Variants in HERC1 observed in about 807,000 individuals in gnomAD.
The protein encoded by HERC1 is probable E3 ubiquitin-protein ligase HERC1.
A neutral mutation model predicts 554.3 loss-of-function variants in HERC1; 160 were observed. That is an observed-to-expected ratio of 0.29 (90% CI 0.25 to 0.33). The LOEUF (loss-of-function observed/expected upper bound fraction) is 0.33. Ranked by LOEUF, HERC1 falls within the 10% of genes least tolerant of loss-of-function variation. The probability of loss-of-function intolerance (pLI) is 1.00; values close to 1 mark genes in which losing one functional copy is unlikely to be tolerated. For missense variants in HERC1, 4,919 were observed against 5,918.5 expected (o/e 0.83, Z 5.54); for synonymous variants, 2,175 against 2,131.7 (o/e 1.02, Z -0.56).
In HERC1 at chr15:63,665,680, A is replaced by G. The variant is rs187961447; in HGVS notation, c.8555+239T>C. The stretch of plus-strand genomic sequence containing the variant: ...TAAACTTGTTTCCTTTTTCAGTACA[A>G]TTTTACACAAAAATTATGAAATTTC... On this transcript the variant is annotated intron_variant, in intron 42 of 77. Transcript: ENST00000443617. Among the ~76,000 whole-genome samples, 317 of 152,318 alleles carry G rather than the reference A, an allele frequency of 2.1e-3. 5 individuals are homozygous for G. The highest frequency in any genetic ancestry group is 0.014 in the Middle Eastern group (4 of 294).
At chr15:63,731,952 C>T (rs1332014212) in intron 14 of HERC1, among the ~76,000 whole-genome samples, 2 of 152,098 alleles carry the variant, frequency 1.3e-5, no homozygotes, top group African/African-American at 4.8e-5. Context: ...AGGATGATTT[C>T]AGATAAGAAT....
intron 1 of HERC1, among the ~76,000 whole-genome samples, chr15:63,823,709 AT>A (rs1236852976): frequency 6.6e-6 from 1 of 152,184 alleles, no homozygotes; most frequent in African/African-American, 2.4e-5. Context: ...GTCTTTGGGC[AT>A]TTGGGTTTAT....
At chr15:63,637,768 GGAAGAGTTGAT>G in intron 63 of HERC1, 125 bp from the exon 64 acceptor site, 3 of 616,214 alleles carry the variant, frequency 4.9e-6, no homozygotes, top group Non-Finnish European at 7.9e-6. Context: ...TTACTGAAAG[GGAAGAGTTGAT>G]ATAACTATGC....
chr15:63,685,325 T>C (rs62014213), intron 34 of HERC1, among the ~76,000 whole-genome samples: 22,851 of 152,320 alleles, frequency 0.15, 2,218 homozygotes, highest in Middle Eastern at 0.21. Flanking sequence ...TGGGGGCAGG[T>C]CACATTGGTA....
intron 37 of HERC1, 187 bp from the exon 38 acceptor site, chr15:63,675,304 G>T: frequency 2.1e-6 from 1 of 487,750 alleles, no homozygotes; most frequent in Non-Finnish European, 3.6e-6. Flanking sequence ...GGGGAGATGT[G>T]ATACTAAATG....
At chr15:63,617,636 G>C (rs529725155) in intron 74 of HERC1, among the ~76,000 whole-genome samples, 1 of 152,162 alleles carries the variant, frequency 6.6e-6, no homozygotes, top group Non-Finnish European at 1.5e-5. Context: ...CAGTGTAAAA[G>C]TGTTCCTATT....
At chr15:63,649,137 A>G (rs922551375) in intron 54 of HERC1, among the ~76,000 whole-genome samples, 3 of 152,084 alleles carry the variant, frequency 2.0e-5, no homozygotes, top group East Asian at 1.9e-4. Flanking sequence ...GGCGGATCAC[A>G]AGGTGAGGAG....
chr15:63,632,878 T>C, intron 67 of HERC1, 67 bp from the exon 68 acceptor site: 3 of 1,094,554 alleles, frequency 2.7e-6, no homozygotes, highest in Non-Finnish European at 1.3e-6. Flanking sequence ...ATTTGCCTAA[T>C]GGCATGTATC....
chr15:63,822,144 G>A (rs1596327372), intron 1 of HERC1, among the ~76,000 whole-genome samples: 1 of 152,306 alleles, frequency 6.6e-6, no homozygotes, highest in African/African-American at 2.4e-5. Context: ...TAAACCCTGG[G>A]AGTCTGCCTG....
chr15:63,651,726 C>T (rs2069690714), intron 52 of HERC1, among the ~76,000 whole-genome samples: 1 of 152,118 alleles, frequency 6.6e-6, no homozygotes, highest in Non-Finnish European at 1.5e-5. Context: ...AAAGAAATAG[C>T]TACAGCTGGC....
rs1468244690 is a variant in HERC1 at position 63,669,115 on chromosome 15, T to C, written c.8206+423A>G. ...TAGAAAGCAGTAACAAAACGATATC[T>C]AGAAAATCCCCCAAATATTTGAAAA... On this transcript the variant is annotated intron_variant, in intron 40 of 77. Transcript: ENST00000443617. Among the ~76,000 whole-genome samples the C allele has an allele frequency of 2.0e-5, 3 of 152,344 alleles. No individual in the cohort carries two copies. The East Asian group carries it at 5.8e-4, about 29-fold the overall frequency.
chr15:63,774,615 T>C, intron 2 of HERC1, 79 bp downstream of exon 2: 1 of 1,005,156 alleles, frequency 9.9e-7, no homozygotes, highest in Non-Finnish European at 1.5e-6. Context: ...CATTCACTAT[T>C]ACCACCAATT....
rs1252996035 is a variant in HERC1, at chr15:63,718,359, T to TA, written c.3978+214dup. ...TGTTATTAATATTTATGCAGCCAAC[T>TA]AAAGTTTCTTAGAACCAATATCACA... On this transcript the variant is annotated intron_variant, in intron 21 of 77. Coordinates refer to ENST00000443617, the MANE Select transcript of HERC1 (RefSeq NM_003922.4). The surrounding 1 kb of genome is among the most constrained non-coding windows in gnomAD (Gnocchi z 4.2). The TA allele has an allele frequency of 2.3e-6, 1 of 444,392 alleles. No homozygotes were observed. Among genetic ancestry groups the TA allele is most frequent in the Non-Finnish European group, 4.0e-6 (1 of 251,860 alleles). The allele number at this position is 444,392 out of a possible 1,614,324, so 27.5% of individuals were successfully genotyped here. A position where few individuals can be genotyped will look rare whatever the true frequency, so the allele number is the denominator to read the frequency against.
At chr15:63,778,867 T>C (rs1355129775) in intron 1 of HERC1, among the ~76,000 whole-genome samples, 2 of 150,362 alleles carry the variant, frequency 1.3e-5, no homozygotes, top group Non-Finnish European at 3.0e-5. Context: ...TTAAATAAAC[T>C]GAAACATATG....
Position 63,634,881 on chromosome 15 carries a change from C to G in HERC1, c.12422G>C (p.Cys4141Ser), listed in dbSNP as rs370877440. 1.2e-6 allele frequency: 2 copies of G among 1,611,976 alleles called. No individual in the cohort carries two copies. The highest frequency in any genetic ancestry group is 1.7e-6 in the Non-Finnish European group (2 of 1,179,106). Residue 4141 changes from cysteine to serine, a missense_variant, in exon 66 of 78, where the codon TGT becomes TCT. Physicochemically the swap from Cys to Ser is moderately radical, Grantham distance 112. Transcript: ENST00000443617. ...GACCACTGCTGAGTGCTTGAAGCCA[C>G]AAGACATCTAAGACAGAACCAAGGA... is the stretch of plus-strand genomic sequence containing the variant. ...LQGEEVVQMSCGFKHSAVVTS... is the reference protein window; with the variant it reads ...LQGEEVVQMSSGFKHSAVVTS...
intron 39 of HERC1, 38 bp from the exon 40 acceptor site, chr15:63,669,736 T>C (rs1182657641): frequency 6.3e-7 from 1 of 1,581,526 alleles, no homozygotes; most frequent in Non-Finnish European, 8.7e-7. Context: ...AAAAATCCAA[T>C]TTACGAAATA....
intron 16 of HERC1, among the ~76,000 whole-genome samples, chr15:63,728,422 C>T (rs2074123850): frequency 6.6e-6 from 1 of 152,120 alleles, no homozygotes; most frequent in African/African-American, 2.4e-5. Context: ...CAGAAATGAG[C>T]TCAGTTTGAA....
At chr15:63,797,064 T>C (rs2076835667) in intron 1 of HERC1, among the ~76,000 whole-genome samples, 1 of 152,168 alleles carries the variant, frequency 6.6e-6, no homozygotes, top group African/African-American at 2.4e-5. Context: ...TTAGAGAGCT[T>C]AGAATTTTAT....
At chr15:63,733,216 G>GA (rs910025894) in intron 13 of HERC1, 71 bp from the exon 14 acceptor site, 9 of 999,564 alleles carry the variant, frequency 9.0e-6, no homozygotes, top group Non-Finnish European at 1.4e-5. Flanking sequence ...AAGGATCCCA[G>GA]AAAAAAACTA....
Sources: allele counts gnomAD v4.1 joint callset (sites outside exome capture counted in the v4.1 genomes callset), GRCh38; gene constraint gnomAD v4.1.1; non-coding constraint Gnocchi (gnomAD v3.1); transcripts MANE v1.5; gene names NCBI Gene and HGNC (gene_info 2026-07-23, HGNC 2026-07-21).